The following ERICH6 variants were observed in gnomAD, a reference collection of about 807,000 sequenced individuals.
ERICH6 encodes glutamate rich 6.
In ERICH6, 71 loss-of-function variants were observed where a neutral mutation model predicts 71.0. The observed-to-expected ratio is 1.00, with a 90% CI of 0.83 to 1.22. The LOEUF is 1.22. Among genes scored for constraint, ERICH6 ranks in the 50% most tolerant of loss-of-function variants. ERICH6 has a pLI of 0.00. For synonymous variants in ERICH6, 262 were observed against 278.4 expected, an observed-to-expected ratio of 0.94 and a Z score of 0.59; for missense variants, 808 against 797.2, an observed-to-expected ratio of 1.01 and a Z score of -0.16.
At chr3:150,686,411 A>T in intron 3 of ERICH6, 57 bp from the exon 4 acceptor site, 1 of 1,399,888 alleles carries the variant, frequency 7.1e-7, no homozygotes, top group Non-Finnish European at 1.0e-6. Flanking sequence ...GAAGCTGAAT[A>T]TAAAAGAAAA....
intron 13 of ERICH6, among the ~76,000 whole-genome samples, chr3:150,666,227 A>C (rs1727410344): frequency 6.6e-6 from 1 of 152,214 alleles, no homozygotes; most frequent in South Asian, 2.1e-4. Context: ...CTGGAGTTAC[A>C]GAAGTCAACA....
At chr3:150,665,029 A>AGG (rs1350793378) in intron 13 of ERICH6, among the ~76,000 whole-genome samples, 1 of 151,894 alleles carries the variant, frequency 6.6e-6, no homozygotes, top group Non-Finnish European at 1.5e-5. Flanking sequence ...GGAGAGAGAG[A>AGG]GGGGAGAAAG....
In ERICH6 at chr3:150,698,897, A is replaced by C; in HGVS notation, c.462-15T>G. ...GATGAATATTTCTGAAATTTCGACA[A>C]AAATGTTTTGAGTATACCTATATAG... On this transcript the variant is annotated splice_polypyrimidine_tract_variant and intron_variant, in intron 2 of 13. Coordinates refer to ENST00000295910, the MANE Select transcript of ERICH6 (RefSeq NM_152394.5). 6.3e-7 allele frequency: 1 copy of C among 1,596,866 alleles called. No homozygotes were observed. Among genetic ancestry groups the C allele is most frequent in the Non-Finnish European group, 8.6e-7 (1 of 1,164,552 alleles).
intron 1 of ERICH6, 112 bp downstream of exon 1, chr3:150,703,384 T>C: frequency 6.9e-7 from 1 of 1,439,854 alleles, no homozygotes; most frequent in South Asian, 1.5e-5. Context: ...TGCATGCATT[T>C]AGAAATCAGG....
At chr3:150,702,684 C>T (rs906140662) in intron 1 of ERICH6, among the ~76,000 whole-genome samples, 1 of 152,048 alleles carries the variant, frequency 6.6e-6, no homozygotes, top group African/African-American at 2.4e-5. Flanking sequence ...CCCCAATCCT[C>T]CCCAACAAAG....
intron 9 of ERICH6, among the ~76,000 whole-genome samples, chr3:150,679,670 T>G (rs189322591): frequency 6.6e-6 from 1 of 152,188 alleles, no homozygotes; most frequent in Non-Finnish European, 1.5e-5. Flanking sequence ...AGCTGACTTT[T>G]TTTTTTTGAG....
In ERICH6 at chr3:150,703,486, G is replaced by A. The variant is rs775995327; in HGVS notation, c.403+10C>T. 1.3e-5 allele frequency: 21 copies of A among 1,574,714 alleles called. No individual in the cohort carries two copies. The highest frequency in any genetic ancestry group is 1.7e-5 in the Admixed American group (1 of 57,920). On this transcript the variant is annotated intron_variant, in intron 1 of 13. Coordinates refer to ENST00000295910, the MANE Select transcript of ERICH6 (RefSeq NM_152394.5). Reference sequence around the variant, plus strand: ...AAACCCTCGAGGAAGGGGTGGGTCGGGGGCGGTACTTTTATGCGAGGAGGT... The same window carrying A: ...AAACCCTCGAGGAAGGGGTGGGTCGAGGGCGGTACTTTTATGCGAGGAGGT...
chr3:150,686,247 T>G, intron 4 of ERICH6, 51 bp downstream of exon 4: 2 of 1,578,476 alleles, frequency 1.3e-6, no homozygotes, highest in Non-Finnish European at 1.7e-6. Context: ...GATTCCCTTC[T>G]GGTAGTTTAC....
intron 3 of ERICH6, among the ~76,000 whole-genome samples, chr3:150,688,910 G>A (rs1250664971): frequency 2.0e-5 from 3 of 152,224 alleles, no homozygotes; most frequent in Non-Finnish European, 4.4e-5. Context: ...TCCTGAGGCT[G>A]TGTCACAGGT....
intron 3 of ERICH6, among the ~76,000 whole-genome samples, chr3:150,687,035 C>A (rs1044295774): frequency 6.6e-5 from 10 of 152,272 alleles, no homozygotes; most frequent in Admixed American, 2.6e-4. Flanking sequence ...GCCAGGTGTG[C>A]TGACAGGCAC....
At chr3:150,679,589 C>T (rs779101888) in intron 9 of ERICH6, among the ~76,000 whole-genome samples, 17 of 152,164 alleles carry the variant, frequency 1.1e-4, no homozygotes, top group Admixed American at 6.5e-5. Flanking sequence ...CTCAGTGTTT[C>T]TTCAACTGTA....
Position 150,680,795 on chromosome 3 carries a change from C to T in ERICH6, c.1018G>A (p.Ala340Thr). 3.7e-6 allele frequency: 6 copies of T among 1,609,108 alleles called. No homozygotes were observed. Among genetic ancestry groups the T allele is most frequent in the South Asian group, 1.1e-5 (1 of 90,352 alleles). ...AHGSEVDRLK[A>T]KEKALQRKQE... The stretch of plus-strand genomic sequence containing the variant: ...TACCTTTGCAGGGCTTTTTCTTTTG[C>T]CTTGAGTCTGTCGACCTCACTACCA... Residue 340 changes from alanine (A) to threonine (T), a missense_variant, in exon 8 of 14, where the codon GCA (alanine) becomes ACA (threonine). By Grantham distance (58) the Ala-to-Thr change is moderately conservative (BLOSUM62 0). This residue lies in a region of ERICH6 where 736 missense variants were observed against 712.2 expected (regional missense o/e 1.03). Coordinates refer to ENST00000295910, the MANE Select transcript of ERICH6 (RefSeq NM_152394.5).
At chr3:150,663,962 G>C (rs1727310728) in intron 13 of ERICH6, among the ~76,000 whole-genome samples, 1 of 152,076 alleles carries the variant, frequency 6.6e-6, no homozygotes, top group Non-Finnish European at 1.5e-5. Flanking sequence ...CAGATAATGA[G>C]ATTATCTGAG....
Position 150,682,296 on chromosome 3 carries a change from T to C in ERICH6, c.804A>G (p.Ser268=). The C allele has an allele frequency of 6.2e-7, 1 of 1,613,174 alleles. No individual in the cohort carries two copies. Among genetic ancestry groups the C allele is most frequent in the Non-Finnish European group, 8.5e-7 (1 of 1,179,948 alleles). Residue 268 remains serine (S), a synonymous_variant, in exon 7 of 14, where the codon TCA becomes TCG. Transcript: ENST00000295910. The part of the protein sequence containing the change: ...INFKDEEEET[S]PKCEFCGSDL... ...CGCTGCCACAAAATTCACATTTGGGTGATGTCTCCTCCTCTTCATCCTTCA... is the reference window on the plus strand; with the variant it reads ...CGCTGCCACAAAATTCACATTTGGGCGATGTCTCCTCCTCTTCATCCTTCA...
At chr3:150,699,608 T>C (rs763207371) in intron 2 of ERICH6, among the ~76,000 whole-genome samples, 18 of 151,380 alleles carry the variant, frequency 1.2e-4, no homozygotes, top group Non-Finnish European at 1.9e-4. Flanking sequence ...ATCAATAGCA[T>C]TGAAGAGAAA....
intron 10 of ERICH6, among the ~76,000 whole-genome samples, chr3:150,674,953 T>C (rs1315181605): frequency 1.3e-5 from 2 of 152,000 alleles, no homozygotes; most frequent in Non-Finnish European, 2.9e-5. Flanking sequence ...GCCAACATGG[T>C]GAAACCCTGT....
rs1727429366 is a variant in ERICH6 at position 150,666,784 on chromosome 3, TACCTTC to T, written c.1725_1728+2del. On this transcript the variant is annotated splice_donor_variant and coding_sequence_variant, in exon 13 of 14. Transcript: ENST00000295910. LOFTEE classifies it high-confidence loss of function. ...TTTAAACTGTTTTTAAAAATGTACC[TACCTTC>T]ACTTTGGTTCCAACACTGATTCTTG... 6.2e-7 allele frequency: 1 copy of T among 1,612,060 alleles called. No homozygotes were observed. Among genetic ancestry groups the T allele is most frequent in the Non-Finnish European group, 8.5e-7 (1 of 1,179,020 alleles).
intron 13 of ERICH6, among the ~76,000 whole-genome samples, chr3:150,665,797 C>T (rs28720815): frequency 0.19 from 27,020 of 141,420 alleles, 3,289 homozygotes; most frequent in African/African-American, 0.37. Flanking sequence ...CACTGTACTC[C>T]AGCCTGGAAG....
chr3:150,685,997 T>A lies in ERICH6; in HGVS notation c.635A>T (p.Glu212Val), dbSNP rs1559917663. The change falls in exon 5 of 14, where the codon GAG (glutamate) becomes GTG (valine). Residue 212 changes from glutamate to valine, a missense_variant. Glu to Val is a moderately radical substitution (Grantham distance 121). This residue lies in a region of ERICH6 where 736 missense variants were observed against 712.2 expected (regional missense o/e 1.03). Transcript: ENST00000295910. ...CTCATATAAAATATTTAGTTTCGAC[T>A]CTTCTGGATTAATTACCCATTTTTC... ...LREKWVINPEESKLNILYELE... is the reference protein window; with the variant it reads ...LREKWVINPEVSKLNILYELE... The A allele has an allele frequency of 6.2e-7, 1 of 1,604,680 alleles. No homozygotes were observed. The highest frequency in any genetic ancestry group is 1.1e-5 in the South Asian group (1 of 90,916).
Sources: allele counts gnomAD v4.1 joint callset (sites outside exome capture counted in the v4.1 genomes callset), GRCh38; gene constraint gnomAD v4.1.1; regional missense constraint gnomAD v4.1.1; transcripts MANE v1.5; gene names NCBI Gene and HGNC (gene_info 2026-07-23, HGNC 2026-07-21).